MTOR: variants seen among roughly 807,000 people sequenced by gnomAD.
The protein encoded by MTOR is mechanistic target of rapamycin kinase.
Under a neutral mutation model 319.8 loss-of-function variants are expected in MTOR, and 70 were observed. That is an observed-to-expected ratio of 0.22 (90% CI 0.18 to 0.27). MTOR has a LOEUF of 0.27. Among genes scored for constraint, MTOR ranks in the 10% least tolerant of loss-of-function variants. MTOR has a pLI of 1.00. For synonymous variants in MTOR, 1,183 were observed against 1,211.4 expected (o/e 0.98, Z 0.49); for missense variants, 1,890 against 3,274.4 (o/e 0.58, Z 10.32).
intron 28 of MTOR, chr1:11,189,854 A>C: frequency 6.2e-7 from 1 of 1,614,212 alleles, no homozygotes; most frequent in Non-Finnish European, 8.5e-7. Flanking sequence ...AAGCGCATGG[A>C]GTCGCGGCTC....
At chr1:11,260,083 T>C (rs1034615329) in intron 1 of MTOR, among the ~76,000 whole-genome samples, 4 of 152,254 alleles carry the variant, frequency 2.6e-5, no homozygotes, top group African/African-American at 9.6e-5. Context: ...ACTAAGTTCT[T>C]AATAATTGTT....
chr1:11,137,121 C>T (rs1047486202), intron 36 of MTOR, among the ~76,000 whole-genome samples: 7 of 123,644 alleles, frequency 5.7e-5, no homozygotes, highest in African/African-American at 1.9e-4. Flanking sequence ...GGATCATAGG[C>T]GTGAGCCACC....
chr1:11,107,433 C>T lies in MTOR; in HGVS notation c.*52G>A. On this transcript the variant is annotated 3_prime_UTR_variant, in exon 58 of 58. Coordinates refer to ENST00000361445, the MANE Select transcript of MTOR (RefSeq NM_004958.4). ...GGTTTCAGTTTAGTGGAAGCATTTA[C>T]TAAAGTACAAAAGCCTCAGAAAAAA... 5.0e-6 allele frequency: 8 copies of T among 1,589,798 alleles called. No homozygotes were observed. Among genetic ancestry groups the T allele is most frequent in the South Asian group, 1.2e-5 (1 of 86,014 alleles).
At chr1:11,158,530 G>A (rs1383430656) in intron 29 of MTOR, among the ~76,000 whole-genome samples, 1 of 152,078 alleles carries the variant, frequency 6.6e-6, no homozygotes, top group African/African-American at 2.4e-5. Flanking sequence ...AACATCAGTG[G>A]AGTTTGTCAA....
Position 11,212,787 on chromosome 1 carries a change from G to T in MTOR, c.3398+9C>A. ...TAAAGATTGCTAGTCCCAAAGAGGAGGTGCTCACTTTCGAGATGGCAGTGG... is the reference window on the plus strand; with the variant it reads ...TAAAGATTGCTAGTCCCAAAGAGGATGTGCTCACTTTCGAGATGGCAGTGG... On this transcript the variant is annotated intron_variant, in intron 22 of 57. Transcript: ENST00000361445. The surrounding 1 kb of genome is among the most constrained non-coding windows in gnomAD (Gnocchi z 4.1). 1 of 1,597,868 alleles carries T rather than the reference G, an allele frequency of 6.3e-7. No homozygotes were observed. Among genetic ancestry groups the T allele is most frequent in the Non-Finnish European group, 8.6e-7 (1 of 1,165,274 alleles).
At chr1:11,213,704 C>T (rs1646381321) in intron 20 of MTOR, 138 bp from the exon 21 acceptor site, 1 of 744,996 alleles carries the variant, frequency 1.3e-6, no homozygotes, top group South Asian at 1.8e-5. Context: ...CTCCCCTCCT[C>T]CCACTGGGCC....
Position 11,189,583 on chromosome 1 carries a change from C to G in MTOR, c.4253+9675G>C, listed in dbSNP as rs572115914. 35 of 1,595,812 alleles carry G rather than the reference C, an allele frequency of 2.2e-5. No individual in the cohort carries two copies. In the East Asian group the frequency reaches 7.8e-4, roughly 36 times the overall value. On this transcript the variant is annotated intron_variant, in intron 28 of 57. Coordinates refer to ENST00000361445, the MANE Select transcript of MTOR (RefSeq NM_004958.4). Reference sequence around the variant, plus strand: ...TCCTCACCCAAACCCACAAAAGATGCTGAAAAAGCCTCTCTCAGCTGTGAC... The same window carrying G: ...TCCTCACCCAAACCCACAAAAGATGGTGAAAAAGCCTCTCTCAGCTGTGAC...
At chr1:11,246,378 A>G (rs1227486413) in intron 8 of MTOR, among the ~76,000 whole-genome samples, 1 of 152,252 alleles carries the variant, frequency 6.6e-6, no homozygotes, top group Non-Finnish European at 1.5e-5. Context: ...GATCATTTAA[A>G]GCTCTACTGA....
intron 29 of MTOR, among the ~76,000 whole-genome samples, chr1:11,162,221 A>T (rs1644498671): frequency 6.6e-6 from 1 of 152,218 alleles, no homozygotes; most frequent in Non-Finnish European, 1.5e-5. Flanking sequence ...AAGCGAGAAG[A>T]GAAGTTTAGA....
chr1:11,236,071 G>A (rs190784735), intron 13 of MTOR, among the ~76,000 whole-genome samples: 8 of 151,504 alleles, frequency 5.3e-5, no homozygotes, highest in Admixed American at 5.2e-4. Flanking sequence ...ATAGCATGTG[G>A]TCAAAAAGTC....
chr1:11,171,040 C>A (rs1166501855), intron 28 of MTOR, among the ~76,000 whole-genome samples: 1 of 150,912 alleles, frequency 6.6e-6, no homozygotes, highest in Non-Finnish European at 1.5e-5. Context: ...ACTAAAAATA[C>A]AAAAATTAGC....
At chr1:11,151,327 C>A (rs920114496) in intron 30 of MTOR, among the ~76,000 whole-genome samples, 1 of 152,162 alleles carries the variant, frequency 6.6e-6, no homozygotes, top group Non-Finnish European at 1.5e-5. Context: ...AGCACTCTGG[C>A]TCAATACAGA....
chr1:11,185,649 A>G (rs927010967), intron 28 of MTOR, among the ~76,000 whole-genome samples: 1 of 152,146 alleles, frequency 6.6e-6, no homozygotes, highest in Non-Finnish European at 1.5e-5. Context: ...AGAAGGCCTG[A>G]GAGAAAAGAC....
chr1:11,260,374 C>A lies in MTOR; in HGVS notation c.-14-951G>T, dbSNP rs546917113. Among the ~76,000 whole-genome samples, 7 of 152,214 alleles carry A rather than the reference C, an allele frequency of 4.6e-5. No homozygotes were observed. In the East Asian group the frequency reaches 1.4e-3, roughly 29 times the overall value. On this transcript the variant is annotated intron_variant, in intron 1 of 57. Coordinates refer to ENST00000361445, the MANE Select transcript of MTOR (RefSeq NM_004958.4). ...CCTGGGCAATATGGTGAAACCCCGT[C>A]TCTACTAAAAATACAAAATTAGCCA...
chr1:11,156,881 T>A (rs1033522888), intron 30 of MTOR, among the ~76,000 whole-genome samples: 5 of 151,732 alleles, frequency 3.3e-5, no homozygotes, highest in Admixed American at 3.3e-4. Flanking sequence ...ATCAGGAGAG[T>A]AGACAGGAGA....
At chr1:11,197,809 C>G (rs1645835616) in intron 28 of MTOR, among the ~76,000 whole-genome samples, 1 of 152,214 alleles carries the variant, frequency 6.6e-6, no homozygotes. Context: ...TCCCAGAGTG[C>G]TGGGATTACA....
At chr1:11,154,602 C>A (rs925625914) in intron 30 of MTOR, among the ~76,000 whole-genome samples, 1 of 152,056 alleles carries the variant, frequency 6.6e-6, no homozygotes, top group South Asian at 2.1e-4. Context: ...ATAACATCTT[C>A]TATCTTGGGG....
At chr1:11,189,501 G>A in intron 28 of MTOR, 1 of 1,484,932 alleles carries the variant, frequency 6.7e-7, no homozygotes, top group Non-Finnish European at 9.0e-7. Flanking sequence ...CAGTCAGCCT[G>A]CTGCAGCTTT....
intron 49 of MTOR, among the ~76,000 whole-genome samples, chr1:11,117,901 GA>G (rs1220659575): frequency 8.6e-5 from 13 of 151,992 alleles, no homozygotes; most frequent in Non-Finnish European, 5.9e-5. Flanking sequence ...CCAACATGGT[GA>G]AATCCCGTTT....
Sources: allele counts gnomAD v4.1 joint callset (sites outside exome capture counted in the v4.1 genomes callset), GRCh38; gene constraint gnomAD v4.1.1; non-coding constraint Gnocchi (gnomAD v3.1); transcripts MANE v1.5; gene names NCBI Gene and HGNC (gene_info 2026-07-23, HGNC 2026-07-21).